The following GRHL2 variants were observed in gnomAD, a reference collection of about 807,000 sequenced individuals.
GRHL2 encodes grainyhead-like protein 2 homolog.
A neutral mutation model predicts 83.8 loss-of-function variants in GRHL2; 21 were observed. That is an observed-to-expected ratio of 0.25 (90% CI 0.18 to 0.36). The LOEUF (loss-of-function observed/expected upper bound fraction) is 0.36. Ranked by LOEUF, GRHL2 falls within the 10% of genes least tolerant of loss-of-function variation. The pLI is 1.00. For missense variants in GRHL2, 623 were observed against 781.8 expected (o/e 0.80, Z 2.42); for synonymous variants, 280 against 278.9 (o/e 1.00, Z -0.04).
At chr8:101,629,898 C>A (rs1048874183) in intron 9 of GRHL2, among the ~76,000 whole-genome samples, 1 of 152,056 alleles carries the variant, frequency 6.6e-6, no homozygotes. Context: ...ACTTCCCAAG[C>A]AGATAGTTTT....
intron 7 of GRHL2, among the ~76,000 whole-genome samples, chr8:101,579,580 AT>A (rs1422446466): frequency 6.6e-6 from 1 of 152,166 alleles, no homozygotes; most frequent in Non-Finnish European, 1.5e-5. Flanking sequence ...TGAGACATGA[AT>A]TTTCTGAGCA....
At chr8:101,661,714 T>G (rs768741974) in intron 14 of GRHL2, among the ~76,000 whole-genome samples, 27 of 152,180 alleles carry the variant, frequency 1.8e-4, no homozygotes, top group Non-Finnish European at 3.7e-4. Flanking sequence ...AAATGAGATA[T>G]TTGGGTGAAA....
chr8:101,577,617 A>G (rs1019409425), intron 7 of GRHL2, 98 bp downstream of exon 7: 8 of 814,470 alleles, frequency 9.8e-6, no homozygotes, highest in Non-Finnish European at 1.7e-5. Context: ...CTGGAGCCAC[A>G]GAGCTCTTAT....
Position 101,558,800 on chromosome 8 carries a change from C to A in GRHL2, c.666C>A (p.Asp222Glu). The change falls in exon 4 of 16, where the codon GAC (aspartate) becomes GAA (glutamate). Residue 222 changes from aspartate (D) to glutamate (E), a missense_variant. This residue lies in a region of GRHL2 where 239 missense variants were observed against 240.5 expected (regional missense o/e 0.99). Coordinates refer to ENST00000646743, the MANE Select transcript of GRHL2 (RefSeq NM_024915.4). The stretch of plus-strand genomic sequence containing the variant: ...GCACATACAGCGAGAGCTTCAAGGA[C>A]GCAGCCACAGAGGTGAGTCCCAGGC... ...PDSTYSESFKDAATEKFRSAS... is the reference protein window; with the variant it reads ...PDSTYSESFKEAATEKFRSAS... The A allele has an allele frequency of 6.2e-7, 1 of 1,614,032 alleles. No individual in the cohort carries two copies. The highest frequency in any genetic ancestry group is 8.5e-7 in the Non-Finnish European group (1 of 1,179,976).
chr8:101,507,465 C>A (rs1245682668), intron 1 of GRHL2, among the ~76,000 whole-genome samples: 1 of 151,888 alleles, frequency 6.6e-6, no homozygotes, highest in Non-Finnish European at 1.5e-5. Context: ...GAAAATAACA[C>A]TTTTCTACCA....
At chr8:101,494,044 T>A (rs1214612284) in intron 1 of GRHL2, among the ~76,000 whole-genome samples, 2 of 152,084 alleles carry the variant, frequency 1.3e-5, no homozygotes, top group Admixed American at 6.5e-5. Flanking sequence ...CTGCGTCCTA[T>A]TGGAAGTGCG....
chr8:101,644,325 C>A, intron 13 of GRHL2, 100 bp downstream of exon 13: 1 of 898,528 alleles, frequency 1.1e-6, no homozygotes, highest in Non-Finnish European at 1.8e-6. Context: ...TGGCTCTGTG[C>A]CAGCCTGGTG....
intron 4 of GRHL2, among the ~76,000 whole-genome samples, chr8:101,567,983 T>G (rs954357347): frequency 3.9e-5 from 6 of 152,214 alleles, no homozygotes; most frequent in Non-Finnish European, 8.8e-5. Context: ...TCCAATAGTT[T>G]TTTCATCATA....
At chr8:101,620,666 G>A (rs1336337659) in intron 9 of GRHL2, among the ~76,000 whole-genome samples, 9 of 152,196 alleles carry the variant, frequency 5.9e-5, no homozygotes, top group Non-Finnish European at 1.2e-4. Flanking sequence ...AAACCTGTGT[G>A]ATATCAGCAT....
intron 4 of GRHL2, among the ~76,000 whole-genome samples, chr8:101,569,206 C>T (rs1025423722): frequency 3.9e-5 from 6 of 152,140 alleles, no homozygotes; most frequent in Admixed American, 1.3e-4. Flanking sequence ...GGCTTTTGGT[C>T]GTCTACTTTT....
chr8:101,676,928 G>A, the GRHL2 span, among the ~76,000 whole-genome samples: 9 of 151,966 alleles, frequency 5.9e-5, no homozygotes, highest in Admixed American at 1.3e-4. Context: ...GGATGAAACT[G>A]GAAACCATCA....
At chr8:101,572,403 A>C (rs1811845195) in intron 5 of GRHL2, among the ~76,000 whole-genome samples, 1 of 152,218 alleles carries the variant, frequency 6.6e-6, no homozygotes. Context: ...TAAAACAGGA[A>C]TATTATTCTG....
At chr8:101,506,564 C>T (rs1214791788) in intron 1 of GRHL2, among the ~76,000 whole-genome samples, 1 of 152,128 alleles carries the variant, frequency 6.6e-6, no homozygotes, top group African/African-American at 2.4e-5. Flanking sequence ...AAATCTACCA[C>T]CTCCTATTTT....
At chr8:101,584,380 A>G (rs1297051707) in intron 7 of GRHL2, among the ~76,000 whole-genome samples, 2 of 152,328 alleles carry the variant, frequency 1.3e-5, no homozygotes, top group African/African-American at 4.8e-5. Flanking sequence ...AGTTTTCAAA[A>G]TGAAATCAAA....
chr8:101,542,794 G>C (rs1344004123), intron 1 of GRHL2: 1 of 456,552 alleles, frequency 2.2e-6, no homozygotes, highest in African/African-American at 2.0e-5. Flanking sequence ...AAGATGGAAG[G>C]GTAAAGAGAG....
chr8:101,530,590 C>T (rs1810903405), intron 1 of GRHL2, among the ~76,000 whole-genome samples: 1 of 152,066 alleles, frequency 6.6e-6, no homozygotes, highest in Admixed American at 6.5e-5. Context: ...AATAGATGAC[C>T]TCTAGTTGTA....
chr8:101,645,513 T>C (rs973559323), intron 13 of GRHL2, among the ~76,000 whole-genome samples: 1 of 152,166 alleles, frequency 6.6e-6, no homozygotes, highest in African/African-American at 2.4e-5. Flanking sequence ...TAATGGGATT[T>C]GCACTGTGGT....
intron 2 of GRHL2, among the ~76,000 whole-genome samples, chr8:101,545,446 A>C (rs1319321880): frequency 5.9e-4 from 4 of 6,828 alleles, no homozygotes; most frequent in African/African-American, 9.5e-4. Context: ...AATTCCTGAA[A>C]AAAAAAAAAA....
chr8:101,679,177 A>G, the GRHL2 span, among the ~76,000 whole-genome samples: 7 of 134,504 alleles, frequency 5.2e-5, no homozygotes, highest in Non-Finnish European at 1.1e-4. Flanking sequence ...AAAACTTTGA[A>G]AAAAATTTAG....
Sources: allele counts gnomAD v4.1 joint callset (sites outside exome capture counted in the v4.1 genomes callset), GRCh38; gene constraint gnomAD v4.1.1; regional missense constraint gnomAD v4.1.1; transcripts MANE v1.5; gene names NCBI Gene and HGNC (gene_info 2026-07-23, HGNC 2026-07-21).